FAT3: variants seen among roughly 807,000 people sequenced by gnomAD.
FAT3 encodes protocadherin Fat 3.
A neutral mutation model predicts 310.2 loss-of-function variants in FAT3; 95 were observed. That is an observed-to-expected ratio of 0.31 (90% CI 0.26 to 0.36). The LOEUF (loss-of-function observed/expected upper bound fraction) is 0.36, where lower values mean the gene tolerates loss of function less well. Ranked by LOEUF, FAT3 falls within the 10% of genes least tolerant of loss-of-function variation. The pLI is 1.00. For synonymous variants in FAT3, 2,314 were observed against 2,192.9 expected, an observed-to-expected ratio of 1.06 and a Z score of -1.54; for missense variants, 5,408 against 5,715.6, an observed-to-expected ratio of 0.95 and a Z score of 1.74.
chr11:92,515,952 C>T (rs1396058377), intron 2 of FAT3, among the ~76,000 whole-genome samples: 1 of 151,740 alleles, frequency 6.6e-6, no homozygotes, highest in African/African-American at 2.4e-5. Context: ...AAGTTGAATC[C>T]CTGAATAGAC....
Position 92,896,330 on chromosome 11 carries a change from A to G in FAT3, c.*5217A>G, listed in dbSNP as rs377671883. ...TAAAAAAAAAGAAAAGAAAAGAAAA[A>G]AAAAACAAAAGCAAACAAAAAAAAA... On this transcript the variant is annotated 3_prime_UTR_variant, in exon 28 of 28. Transcript: ENST00000525166. 2.1e-4 allele frequency: 32 copies of G among 151,872 alleles called. No individual in the cohort carries two copies. Among genetic ancestry groups the G allele is most frequent in the African/African-American group, 5.1e-4 (21 of 41,406 alleles). 9.4% of individuals were successfully genotyped at this position (151,872 alleles called of 1,614,324 possible). A position where few individuals can be genotyped will look rare whatever the true frequency, so the allele number is the denominator to read the frequency against.
chr11:92,252,778 C>G (rs893069204), intron 1 of FAT3, among the ~76,000 whole-genome samples: 1 of 152,052 alleles, frequency 6.6e-6, no homozygotes, highest in African/African-American at 2.4e-5. Flanking sequence ...TTCACAAATC[C>G]CACTGACTTA....
At chr11:92,662,281 G>A (rs1942810900) in intron 3 of FAT3, among the ~76,000 whole-genome samples, 2 of 152,194 alleles carry the variant, frequency 1.3e-5, no homozygotes, top group South Asian at 4.1e-4. Context: ...GAAGAAACTA[G>A]AGGTGGCATT....
chr11:92,782,793 G>C (rs1261367623), intron 7 of FAT3, among the ~76,000 whole-genome samples: 1 of 152,146 alleles, frequency 6.6e-6, no homozygotes, highest in African/African-American at 2.4e-5. Flanking sequence ...TCAATGCTTT[G>C]AGGAGTTCAT....
chr11:92,390,035 T>C (rs1374700750), intron 2 of FAT3, among the ~76,000 whole-genome samples: 1 of 151,996 alleles, frequency 6.6e-6, no homozygotes, highest in African/African-American at 2.4e-5. Flanking sequence ...TTTTAAACTT[T>C]CAAAATAGAC....
intron 1 of FAT3, chr11:92,336,431 G>A: frequency 6.1e-6 from 2 of 329,764 alleles, no homozygotes; most frequent in Non-Finnish European, 5.9e-6. Context: ...GGGTGGCCAA[G>A]AGCCTTTGCA....
chr11:92,705,566 G>T (rs899504173), intron 4 of FAT3, among the ~76,000 whole-genome samples: 1 of 14,236 alleles, frequency 7.0e-5, no homozygotes. Context: ...TGTGATGGTG[G>T]TGGTGGTGGT....
intron 3 of FAT3, among the ~76,000 whole-genome samples, chr11:92,602,391 C>T (rs188843608): frequency 2.6e-5 from 4 of 152,354 alleles, no homozygotes; most frequent in African/African-American, 9.6e-5. Flanking sequence ...GTGTGAGCCA[C>T]ATCACCTGGC....
chr11:92,504,266 A>G (rs560271843), intron 2 of FAT3, among the ~76,000 whole-genome samples: 1 of 152,274 alleles, frequency 6.6e-6, no homozygotes, highest in African/African-American at 2.4e-5. Context: ...GCATTAAAGG[A>G]GCAGCTCTAA....
At chr11:92,691,947 A>G (rs1479426036) in intron 3 of FAT3, among the ~76,000 whole-genome samples, 1 of 152,186 alleles carries the variant, frequency 6.6e-6, no homozygotes, top group East Asian at 1.9e-4. Context: ...ACTGTTTAAT[A>G]TGGTGCCTGG....
intron 2 of FAT3, among the ~76,000 whole-genome samples, chr11:92,424,028 G>A (rs555324008): frequency 6.6e-6 from 1 of 152,220 alleles, no homozygotes; most frequent in African/African-American, 2.4e-5. Flanking sequence ...ACCATTTAAA[G>A]AGGACAAATG....
intron 3 of FAT3, among the ~76,000 whole-genome samples, chr11:92,610,956 A>C (rs1369956926): frequency 6.6e-6 from 1 of 152,120 alleles, no homozygotes; most frequent in African/African-American, 2.4e-5. Flanking sequence ...CCTAAGCCCA[A>C]GATTAAGGAT....
chr11:92,366,549 T>C, intron 2 of FAT3: 1 of 498,228 alleles, frequency 2.0e-6, no homozygotes, highest in Non-Finnish European at 4.0e-6. Context: ...TTACCGATCA[T>C]CCCCCAAGAA....
intron 1 of FAT3, among the ~76,000 whole-genome samples, chr11:92,271,260 C>T (rs374431834): frequency 2.9e-4 from 44 of 152,268 alleles, no homozygotes; most frequent in African/African-American, 9.9e-4. Flanking sequence ...GGTTTCATCT[C>T]TTTCCACTGA....
In FAT3 at chr11:92,343,395, A is replaced by G. The variant is rs548738946; in HGVS notation, c.-17-8701A>G. Among the ~76,000 whole-genome samples the G allele has an allele frequency of 2.5e-4, 38 of 152,304 alleles. 1 individual carries two copies. In the South Asian group the frequency reaches 6.2e-3, roughly 25 times the overall value. ...GTAAATAAAATACTCTTCTTGTTAT[A>G]AAGCCATACTTAGACTTAGAGCTCA... On this transcript the variant is annotated intron_variant, in intron 1 of 27. Transcript: ENST00000525166.
At chr11:92,455,542 C>T (rs552824363) in intron 2 of FAT3, among the ~76,000 whole-genome samples, 2 of 152,286 alleles carry the variant, frequency 1.3e-5, no homozygotes, top group African/African-American at 4.8e-5. Flanking sequence ...TGACAATTGT[C>T]TGCTTCTACT....
chr11:92,878,566 T>G (rs1949588575), intron 22 of FAT3, among the ~76,000 whole-genome samples: 1 of 140,412 alleles, frequency 7.1e-6, no homozygotes, highest in Non-Finnish European at 1.5e-5. Context: ...CATAAAAGTA[T>G]TATTAATATC....
At chr11:92,810,842 C>T (rs1212575843) in intron 13 of FAT3, among the ~76,000 whole-genome samples, 7 of 151,976 alleles carry the variant, frequency 4.6e-5, no homozygotes, top group African/African-American at 1.2e-4. Context: ...GACAGCTTCT[C>T]GGTTGTGCAT....
intron 2 of FAT3, among the ~76,000 whole-genome samples, chr11:92,485,631 T>C (rs1217115066): frequency 6.6e-6 from 1 of 152,150 alleles, no homozygotes; most frequent in Non-Finnish European, 1.5e-5. Context: ...TGAATGAAAA[T>C]ATTTGTCTGC....
Sources: gnomAD v4.1 joint callset for allele counts (sites outside exome capture counted in the v4.1 genomes callset) on GRCh38, gnomAD v4.1.1 for gene constraint, MANE v1.5 for transcripts, NCBI Gene and HGNC (gene_info 2026-07-23, HGNC 2026-07-21) for gene names.